SIRT3: variants seen among roughly 807,000 people sequenced by gnomAD.
The protein encoded by SIRT3 is sirtuin 3.
Under a neutral mutation model 33.5 loss-of-function variants are expected in SIRT3, and 26 were observed. That is an observed-to-expected ratio of 0.78 (90% confidence interval 0.57 to 1.08). The LOEUF is 1.08. SIRT3 is among the 50% of genes least tolerant of loss of function. The probability of loss-of-function intolerance (pLI) is 0.00; values close to 1 mark genes in which losing one functional copy is unlikely to be tolerated. For missense variants in SIRT3, 585 were observed against 530.1 expected, an observed-to-expected ratio of 1.10 and a Z score of -1.02; for synonymous variants, 237 against 222.1, an observed-to-expected ratio of 1.07 and a Z score of -0.60.
chr11:225,174 G>A (rs1259087180), intron 4 of SIRT3, among the ~76,000 whole-genome samples: 3 of 152,128 alleles, frequency 2.0e-5, no homozygotes, highest in Non-Finnish European at 4.4e-5. Context: ...AGGACTTCGG[G>A]AGGCCGAGGT....
intron 2 of SIRT3, 29 bp downstream of exon 2, chr11:233,314 C>T: frequency 6.2e-7 from 1 of 1,606,098 alleles, no homozygotes; most frequent in South Asian, 1.1e-5. Flanking sequence ...GAGGGGAGCG[C>T]AGAAGGCAGG....
rs1268859530 is a variant in SIRT3 at position 216,008 on chromosome 11, C to T, written c.*690G>A. The T allele has an allele frequency of 6.6e-6, 1 of 152,616 alleles. No individual in the cohort carries two copies. The highest frequency in any genetic ancestry group is 1.5e-5 in the Non-Finnish European group (1 of 68,184). The allele number at this position is 152,616 out of a possible 1,614,324, so 9.5% of individuals were successfully genotyped here. ...ATGGAGAGTCAACAGAATGTGACCACCTTCAGAGGGAGGAGCTGGGCCGTC... is the reference window on the plus strand; with the variant it reads ...ATGGAGAGTCAACAGAATGTGACCATCTTCAGAGGGAGGAGCTGGGCCGTC... On this transcript the variant is annotated 3_prime_UTR_variant, in exon 7 of 7. Coordinates refer to ENST00000382743, the MANE Select transcript of SIRT3 (RefSeq NM_012239.6).
chr11:215,709 C>G lies in SIRT3; in HGVS notation c.*989G>C, dbSNP rs1254044538. Reference sequence around the variant, plus strand: ...GCTGGTGCCTGACAGGGTGAGCCATCAGGGCTGGGCCTGGGTACAGCCCCA... The same window carrying G: ...GCTGGTGCCTGACAGGGTGAGCCATGAGGGCTGGGCCTGGGTACAGCCCCA... On this transcript the variant is annotated 3_prime_UTR_variant, in exon 7 of 7. Coordinates refer to ENST00000382743, the MANE Select transcript of SIRT3 (RefSeq NM_012239.6). 1 of 152,334 alleles carries G rather than the reference C, an allele frequency of 6.6e-6. No homozygotes were observed. Among genetic ancestry groups the G allele is most frequent in the Non-Finnish European group, 1.5e-5 (1 of 68,184 alleles). The allele number at this position is 152,334 out of a possible 1,614,324, so 9.4% of individuals were successfully genotyped here. A position where few individuals can be genotyped will look rare whatever the true frequency, so the allele number is the denominator to read the frequency against.
chr11:236,429 C>A, upstream of SIRT3: 4 of 784,058 alleles, frequency 5.1e-6, no homozygotes, highest in Non-Finnish European at 6.2e-6. Flanking sequence ...AGCCCCGCCT[C>A]CGCCTACCGC....
chr11:217,224 TGGATCACCCGAGGTCA>T (rs1235966213), intron 6 of SIRT3, among the ~76,000 whole-genome samples: 4 of 152,054 alleles, frequency 2.6e-5, no homozygotes, highest in Non-Finnish European at 4.4e-5. Flanking sequence ...CTGAGGCAGG[TGGATCACCCGAGGTCA>T]GGAGTTTGAG....
chr11:230,678 C>T, intron 3 of SIRT3, 126 bp from the exon 4 acceptor site: 2 of 488,164 alleles, frequency 4.1e-6, no homozygotes, highest in Non-Finnish European at 6.9e-6. Flanking sequence ...TTGTGATGTC[C>T]TCAAGCCTGG....
rs201755310 is a variant in SIRT3 at position 236,287 on chromosome 11, C to T, written c.42G>A (p.Leu14=). ...CGACCCGTTCAACTACCCGGCCCCA[C>T]AGCCGGAGGGCTGCCGCGGCGCGCC... The part of the protein sequence containing the change: ...WGWRAAAALR[L]WGRVVERVEA... The change falls in exon 1 of 7, where the codon CTG becomes CTA. Residue 14 remains leucine (L), a synonymous_variant. Coordinates refer to ENST00000382743, the MANE Select transcript of SIRT3 (RefSeq NM_012239.6). 19 of 1,535,212 alleles carry T rather than the reference C, an allele frequency of 1.2e-5. No homozygotes were observed. In the African/African-American group the frequency reaches 1.5e-4, roughly 12 times the overall value.
At chr11:234,337 C>T (rs896723451) in intron 1 of SIRT3, among the ~76,000 whole-genome samples, 2 of 152,242 alleles carry the variant, frequency 1.3e-5, no homozygotes, top group African/African-American at 4.8e-5. Flanking sequence ...GGAGGAAGCC[C>T]ATGCAATGGA....
At chr11:224,294 G>A in intron 4 of SIRT3, 55 bp from the exon 5 acceptor site, 1 of 1,557,482 alleles carries the variant, frequency 6.4e-7, no homozygotes, top group East Asian at 2.3e-5. Flanking sequence ...CCTGTAAAAG[G>A]AAAAGGCAAC....
In SIRT3 at chr11:219,060, G is replaced by A. The variant is rs201630330; in HGVS notation, c.970-19C>T. 3.4e-3 allele frequency: 5,469 copies of A among 1,598,986 alleles called. 11 individuals carry two copies. The highest frequency in any genetic ancestry group is 4.4e-3 in the Non-Finnish European group (5,160 of 1,173,078). ...GCTCCACCTGAAAAATGGGCCAAAC[G>A]TGAGGGGCACAGTGTCCACTTTACA... On this transcript the variant is annotated intron_variant, in intron 5 of 6. Coordinates refer to ENST00000382743, the MANE Select transcript of SIRT3 (RefSeq NM_012239.6).
intron 4 of SIRT3, among the ~76,000 whole-genome samples, chr11:227,584 C>T (rs1360987997): frequency 6.6e-6 from 1 of 152,132 alleles, no homozygotes. Flanking sequence ...GGGGAATTAA[C>T]ATCAACCTGT....
chr11:232,340 A>G (rs1466098525), intron 3 of SIRT3, among the ~76,000 whole-genome samples: 2 of 151,934 alleles, frequency 1.3e-5, no homozygotes, highest in Admixed American at 6.6e-5. Flanking sequence ...GCTGGTCTCG[A>G]ACTCCCGACC....
chr11:226,598 G>A (rs1043640005), intron 4 of SIRT3, among the ~76,000 whole-genome samples: 9 of 151,486 alleles, frequency 5.9e-5, no homozygotes, highest in African/African-American at 1.9e-4. Flanking sequence ...TAGTAGAGAC[G>A]GGGTTTCACC....
At chr11:227,145 A>C (rs1284358473) in intron 4 of SIRT3, among the ~76,000 whole-genome samples, 1 of 152,052 alleles carries the variant, frequency 6.6e-6, no homozygotes, top group Admixed American at 6.5e-5. Context: ...AAGTCTTAAA[A>C]AACAGGCAGA....
chr11:233,803 G>C, intron 1 of SIRT3: 1 of 368,550 alleles, frequency 2.7e-6, no homozygotes, highest in Non-Finnish European at 5.0e-6. Context: ...ACACTCAGTA[G>C]GCACTCAACT....
intron 4 of SIRT3, among the ~76,000 whole-genome samples, chr11:228,595 C>T (rs547805537): frequency 5.9e-5 from 9 of 152,244 alleles, no homozygotes; most frequent in South Asian, 2.1e-4. Context: ...TACCTTACAG[C>T]GCACACAAAA....
chr11:223,971 T>A lies in SIRT3; in HGVS notation c.969+107A>T. On this transcript the variant is annotated intron_variant, in intron 5 of 6. Transcript: ENST00000382743. The surrounding 1 kb of genome is among the most constrained non-coding windows in gnomAD (Gnocchi z 4.8). ...CCTGTACCCCTCCCTTCCCCTGCCC[T>A]CCAGACTCCTCCCTGCACAGGCCTG... 8.2e-6 allele frequency: 4 copies of A among 488,012 alleles called. No homozygotes were observed. Among genetic ancestry groups the A allele is most frequent in the African/African-American group, 2.8e-5 (1 of 36,196 alleles). 30.2% of individuals were successfully genotyped at this position (488,012 alleles called of 1,614,324 possible). A position where few individuals can be genotyped will look rare whatever the true frequency, so the allele number is the denominator to read the frequency against.
rs200996811 is a variant in SIRT3, at chr11:233,168, G to A, written c.521C>T (p.Pro174Leu). ...GAGTTCAAAAATGGCCTCGGGGTAC[G>A]GGAGATCGTACTGCTGGAGGTTGCT... ...LYSNLQQYDL[P>L]YPEAIFELPF... Residue 174 changes from proline to leucine, a missense_variant, in exon 3 of 7, where the codon CCG becomes CTG. Transcript: ENST00000382743. The A allele has an allele frequency of 1.1e-4, 177 of 1,614,162 alleles. No homozygotes were observed. The highest frequency in any genetic ancestry group is 1.3e-4 in the Non-Finnish European group (156 of 1,180,040).
chr11:226,499 C>T (rs1044846320), intron 4 of SIRT3, among the ~76,000 whole-genome samples: 24 of 152,050 alleles, frequency 1.6e-4, no homozygotes, highest in Admixed American at 1.6e-3. Flanking sequence ...ACTTCTGCCT[C>T]CTGGGTTCCA....
Sources: allele counts gnomAD v4.1 joint callset (sites outside exome capture counted in the v4.1 genomes callset), GRCh38; gene constraint gnomAD v4.1.1; non-coding constraint Gnocchi (gnomAD v3.1); transcripts MANE v1.5; gene names NCBI Gene and HGNC (gene_info 2026-07-23, HGNC 2026-07-21).